CCDC57: variants seen among roughly 807,000 people sequenced by gnomAD.
CCDC57 encodes coiled-coil domain-containing protein 57.
CCDC57 carries 118 observed loss-of-function variants against 118.9 expected under a neutral mutation model. The observed-to-expected ratio is 0.99, with a 90% CI of 0.86 to 1.16. The LOEUF is 1.16. Ranked by LOEUF, CCDC57 falls within the 50% of genes most tolerant of loss-of-function variation. The probability of loss-of-function intolerance (pLI) is 0.00; values close to 1 mark genes in which losing one functional copy is unlikely to be tolerated. For missense variants in CCDC57, 1,300 were observed against 1,320.7 expected (o/e 0.98, Z 0.24); for synonymous variants, 527 against 532.9 (o/e 0.99, Z 0.15).
chr17:82,124,590 C>A (rs986108278), intron 19 of CCDC57, among the ~76,000 whole-genome samples: 2 of 151,860 alleles, frequency 1.3e-5, no homozygotes, highest in African/African-American at 4.8e-5. Context: ...CCCAGGAGTT[C>A]GAGACCAGCC....
At chr17:82,120,391 G>C (rs765156181) in intron 19 of CCDC57, among the ~76,000 whole-genome samples, 9 of 152,160 alleles carry the variant, frequency 5.9e-5, no homozygotes, top group Non-Finnish European at 1.3e-4. Context: ...CTTCCTCTCC[G>C]TTTCTAGAAT....
At chr17:82,129,925 G>A (rs922605310) in intron 17 of CCDC57, among the ~76,000 whole-genome samples, 15 of 151,772 alleles carry the variant, frequency 9.9e-5, no homozygotes, top group South Asian at 2.1e-4. Context: ...GGCTGGGCGC[G>A]GTAGCTCACA....
At chr17:82,184,017 GCGCGC>G in intron 8 of CCDC57, 85 bp from the exon 8 acceptor site, 1 of 207,914 alleles carries the variant, frequency 4.8e-6, no homozygotes. Flanking sequence ...AAATACACAT[GCGCGC>G]GCGCGCGCGC....
chr17:82,131,130 T>A (rs995086461), intron 17 of CCDC57, among the ~76,000 whole-genome samples: 2 of 150,318 alleles, frequency 1.3e-5, no homozygotes, highest in African/African-American at 4.9e-5. Flanking sequence ...ACATTTTTTT[T>A]AAAAGAAAAA....
intron 16 of CCDC57, among the ~76,000 whole-genome samples, chr17:82,150,841 G>A (rs1169182668): frequency 1.5e-3 from 91 of 61,466 alleles, no homozygotes; most frequent in Middle Eastern, 0.013. Context: ...AACCTGACCC[G>A]CACCCAGAAC....
intron 3 of CCDC57, among the ~76,000 whole-genome samples, chr17:82,201,147 G>A (rs1020762110): frequency 3.9e-5 from 6 of 152,202 alleles, no homozygotes; most frequent in Admixed American, 2.6e-4. Flanking sequence ...TTTTTATGTC[G>A]ACTTGCCTTA....
intron 11 of CCDC57, among the ~76,000 whole-genome samples, chr17:82,174,231 G>A (rs893538204): frequency 2.0e-5 from 3 of 152,222 alleles, no homozygotes; most frequent in African/African-American, 4.8e-5. Context: ...TGGCTCCTCC[G>A]TGCTCCCTGG....
At chr17:82,184,099 C>G (rs892848101) in intron 8 of CCDC57, among the ~76,000 whole-genome samples, 167 bp from the exon 8 acceptor site, 2 of 147,442 alleles carry the variant, frequency 1.4e-5, no homozygotes, top group African/African-American at 5.0e-5. Context: ...CGAGCTGAAA[C>G]TTCCTGGCCT....
exon 16 of CCDC57, chr17:82,151,613 T>C: frequency 6.4e-7 from 1 of 1,550,388 alleles, no homozygotes; most frequent in Non-Finnish European, 8.7e-7. Flanking sequence ...GATGAGCTGC[T>C]CTTTCTCCAG....
At chr17:82,198,757 G>A (rs1312945472) in intron 3 of CCDC57, among the ~76,000 whole-genome samples, 2 of 151,696 alleles carry the variant, frequency 1.3e-5, no homozygotes, top group East Asian at 2.0e-4. Flanking sequence ...TTGGGAGGCC[G>A]AGGTGGGCGG....
At chr17:82,146,985 G>A (rs970845357) in intron 16 of CCDC57, among the ~76,000 whole-genome samples, 2 of 152,246 alleles carry the variant, frequency 1.3e-5, no homozygotes, top group African/African-American at 2.4e-5. Context: ...ACCACACACA[G>A]CCGAGGAAAC....
At position 82,102,952 on chromosome 17, in the gene CCDC57, C is replaced by G. The variant is rs112259961; in HGVS notation, c.2900-1086G>C. Reference sequence around the variant, plus strand: ...GCTCAGCGTCCACTGCGTGGCCACACTGTGGCTGGGGTGAGGTCTAGAGGA... The same window carrying G: ...GCTCAGCGTCCACTGCGTGGCCACAGTGTGGCTGGGGTGAGGTCTAGAGGA... On this transcript the variant is annotated intron_variant, in intron 19 of 19. Coordinates refer to ENST00000665763, the Ensembl canonical transcript of CCDC57. Among the ~76,000 whole-genome samples the G allele has an allele frequency of 1.3e-3, 204 of 152,196 alleles. 1 individual carries two copies. Among genetic ancestry groups the G allele is most frequent in the African/African-American group, 4.6e-3 (190 of 41,522 alleles).
rs1206309898 is a variant in CCDC57, at chr17:82,172,216, C to T, written c.1730-363G>A. Reference sequence around the variant, plus strand: ...GCTCTGCCTCCATCCCGGCATCTGCCCACCCACAGCCACTCATGGGGTCCC... The same window carrying T: ...GCTCTGCCTCCATCCCGGCATCTGCTCACCCACAGCCACTCATGGGGTCCC... On this transcript the variant is annotated intron_variant, in intron 12 of 19. Transcript: ENST00000665763. This position sits in a 1 kb window ranked among gnomAD's most constrained non-coding sequence, Gnocchi z 5.2. Among the ~76,000 whole-genome samples the T allele has an allele frequency of 1.3e-5, 2 of 152,212 alleles. No homozygotes were observed. The highest frequency in any genetic ancestry group is 2.9e-5 in the Non-Finnish European group (2 of 68,038).
At chr17:82,149,884 C>T (rs921879930) in intron 16 of CCDC57, among the ~76,000 whole-genome samples, 15 of 149,466 alleles carry the variant, frequency 1.0e-4, no homozygotes, top group East Asian at 4.0e-4. Context: ...CAGAACCTGG[C>T]GCACACCCAG....
chr17:82,184,583 G>A lies in CCDC57; in HGVS notation c.1053-651C>T, dbSNP rs1439951747. ...TGCCCACTTGCATGGGCGTAGCCCT[G>A]TTTCCCTAAGAGATGGGAAGACGGC... On this transcript the variant is annotated intron_variant, in intron 8 of 19. Transcript: ENST00000665763. Among the ~76,000 whole-genome samples the A allele has an allele frequency of 5.9e-5, 9 of 152,378 alleles. No individual in the cohort carries two copies. The East Asian group carries it at 1.5e-3, about 26-fold the overall frequency.
At chr17:82,210,746 G>C (rs543479576) in intron 1 of CCDC57, among the ~76,000 whole-genome samples, 15 of 150,076 alleles carry the variant, frequency 1.0e-4, no homozygotes, top group Non-Finnish European at 1.9e-4. Context: ...TGTAATCCTA[G>C]CACTTTGGGA....
intron 15 of CCDC57, chr17:82,153,606 G>A (rs2042328010): frequency 6.6e-6 from 1 of 152,208 alleles, no homozygotes; most frequent in African/African-American, 2.4e-5. Flanking sequence ...CTCGGATTCA[G>A]TTTCTGGTAA....
At chr17:82,138,024 T>C (rs886792610) in intron 16 of CCDC57, among the ~76,000 whole-genome samples, 11 of 151,868 alleles carry the variant, frequency 7.2e-5, no homozygotes, top group Non-Finnish European at 1.2e-4. Flanking sequence ...AGAAGTTCCC[T>C]GGAAAATCAC....
intron 13 of CCDC57, among the ~76,000 whole-genome samples, chr17:82,165,478 A>G (rs2043867481): frequency 6.6e-6 from 1 of 151,180 alleles, no homozygotes; most frequent in Non-Finnish European, 1.5e-5. Context: ...CACAACCCAG[A>G]GCTCAGACCA....
Sources: allele counts gnomAD v4.1 joint callset (sites outside exome capture counted in the v4.1 genomes callset), GRCh38; gene constraint gnomAD v4.1.1; non-coding constraint Gnocchi (gnomAD v3.1); transcripts MANE v1.5; gene names NCBI Gene and HGNC (gene_info 2026-07-23, HGNC 2026-07-21).